PTPRM: variants seen among roughly 807,000 people sequenced by gnomAD.
PTPRM encodes the protein receptor-type tyrosine-protein phosphatase mu.
Under a neutral mutation model 186.7 loss-of-function variants are expected in PTPRM, and 47 were observed. The observed-to-expected ratio is 0.25, with a 90% CI of 0.20 to 0.32. The LOEUF (loss-of-function observed/expected upper bound fraction) is 0.32, where lower values mean the gene tolerates loss of function less well. Ranked by LOEUF, PTPRM falls within the 10% of genes least tolerant of loss-of-function variation. PTPRM has a pLI of 1.00. For synonymous variants in PTPRM, 668 were observed against 674.9 expected, an observed-to-expected ratio of 0.99 and a Z score of 0.16; for missense variants, 1,494 against 1,865.0, an observed-to-expected ratio of 0.80 and a Z score of 3.66.
chr18:7,873,018 C>T (rs2048055235), intron 2 of PTPRM, among the ~76,000 whole-genome samples: 1 of 152,140 alleles, frequency 6.6e-6, no homozygotes. Context: ...ACTTAAAATT[C>T]ATGTTTTTCA....
intron 1 of PTPRM, among the ~76,000 whole-genome samples, chr18:7,683,163 ATTT>A (rs761087539): frequency 4.1e-5 from 5 of 123,338 alleles, no homozygotes; most frequent in Admixed American, 1.7e-4. Flanking sequence ...TTGGCTTGCC[ATTT>A]TTTTTTTTTT....
intron 7 of PTPRM, among the ~76,000 whole-genome samples, chr18:8,061,215 CTTCT>C (rs2088471210): frequency 2.5e-5 from 1 of 39,582 alleles, no homozygotes; most frequent in Admixed American, 2.6e-4. Context: ...ATGTAATGGC[CTTCT>C]TTGTCTCTTT....
chr18:8,323,532 G>A (rs1478858273), intron 22 of PTPRM, among the ~76,000 whole-genome samples: 3 of 152,166 alleles, frequency 2.0e-5, no homozygotes, highest in South Asian at 2.1e-4. Flanking sequence ...TGAGATGCAC[G>A]CGTTACTTTT....
At chr18:7,738,487 G>A (rs374504706) in intron 1 of PTPRM, among the ~76,000 whole-genome samples, 5 of 152,132 alleles carry the variant, frequency 3.3e-5, no homozygotes, top group South Asian at 4.1e-4. Flanking sequence ...CCAGGCTGGA[G>A]TGCAGTGGCA....
At chr18:8,362,493 A>G (rs1236768231) in intron 23 of PTPRM, among the ~76,000 whole-genome samples, 1 of 152,180 alleles carries the variant, frequency 6.6e-6, no homozygotes, top group East Asian at 1.9e-4. Flanking sequence ...GCTGACGGTC[A>G]CAAAATAGTG....
In PTPRM at chr18:7,626,120, A is replaced by G. The variant is rs533843324; in HGVS notation, c.73+58229A>G. On this transcript the variant is annotated intron_variant, in intron 1 of 32. Coordinates refer to ENST00000580170, the MANE Select transcript of PTPRM (RefSeq NM_001105244.2). ...TTTTAGCACCTTTTCCTCTGATGACATTCACTGGGAAAAGGAAAGGCTCTG... is the reference window on the plus strand; with the variant it reads ...TTTTAGCACCTTTTCCTCTGATGACGTTCACTGGGAAAAGGAAAGGCTCTG... Among the ~76,000 whole-genome samples, 11 of 152,344 alleles carry G rather than the reference A, an allele frequency of 7.2e-5. No homozygotes were observed. The South Asian group carries it at 2.3e-3, about 32-fold the overall frequency.
At position 8,353,971 on chromosome 18, in the gene PTPRM, G is replaced by A. The variant is rs921458812; in HGVS notation, c.3054+10451G>A. On this transcript the variant is annotated intron_variant, in intron 23 of 32. Coordinates refer to ENST00000580170, the MANE Select transcript of PTPRM (RefSeq NM_001105244.2). ...TCACACCTGTAATCCCAGCACTTTG[G>A]GAGGCCGAGGCAGGTGGACTGCCTG... Among the ~76,000 whole-genome samples the A allele has an allele frequency of 5.3e-5, 8 of 152,174 alleles. No homozygotes were observed. In the East Asian group the frequency reaches 1.5e-3, roughly 29 times the overall value.
chr18:8,147,184 G>C (rs558272840), intron 14 of PTPRM, among the ~76,000 whole-genome samples: 144 of 152,162 alleles, frequency 9.5e-4, no homozygotes, highest in Non-Finnish European at 1.6e-3. Flanking sequence ...ATTCTATGAA[G>C]AACGTCAATG....
chr18:8,179,477 CTT>C (rs1172800628), intron 14 of PTPRM, among the ~76,000 whole-genome samples: 5 of 123,856 alleles, frequency 4.0e-5, no homozygotes, highest in Non-Finnish European at 7.0e-5. Context: ...TTTTTCTTTT[CTT>C]TTTTTTTTTT....
intron 1 of PTPRM, among the ~76,000 whole-genome samples, chr18:7,611,823 C>T (rs1464803146): frequency 6.6e-6 from 1 of 152,202 alleles, no homozygotes; most frequent in Non-Finnish European, 1.5e-5. Context: ...TTGCCTTCTG[C>T]CATGATTGTG....
chr18:8,198,397 C>T (rs2093808676), intron 14 of PTPRM, among the ~76,000 whole-genome samples: 1 of 152,180 alleles, frequency 6.6e-6, no homozygotes, highest in Non-Finnish European at 1.5e-5. Flanking sequence ...GATCTGCCTA[C>T]CTTGGCCTGC....
chr18:7,621,081 G>A lies in PTPRM; in HGVS notation c.73+53190G>A, dbSNP rs562155782. On this transcript the variant is annotated intron_variant, in intron 1 of 32. Transcript: ENST00000580170. The stretch of plus-strand genomic sequence containing the variant: ...AATAATAGCAGCTAAAACTTACGCA[G>A]TGCTTATTGTATGCTGCAATATTCT... Among the ~76,000 whole-genome samples the A allele has an allele frequency of 9.9e-5, 15 of 152,250 alleles. No homozygotes were observed. In the South Asian group the frequency reaches 2.9e-3, roughly 30 times the overall value.
chr18:8,348,185 A>G (rs1477589880), intron 23 of PTPRM, among the ~76,000 whole-genome samples: 1 of 152,270 alleles, frequency 6.6e-6, no homozygotes, highest in African/African-American at 2.4e-5. Context: ...TGCATTAAGC[A>G]TGAGCTAGGC....
intron 7 of PTPRM, among the ~76,000 whole-genome samples, chr18:8,010,288 C>T (rs10853358): frequency 0.64 from 96,945 of 152,036 alleles, 31,198 homozygotes; most frequent in African/African-American, 0.72. Context: ...AGGCATTTCC[C>T]TTTTCAAAAG....
chr18:7,711,881 G>A (rs1465554533), intron 1 of PTPRM, among the ~76,000 whole-genome samples: 1 of 152,176 alleles, frequency 6.6e-6, no homozygotes, highest in Non-Finnish European at 1.5e-5. Flanking sequence ...TCAGCACCAG[G>A]GGGAAGGGGT....
At chr18:7,883,302 C>T (rs1049553143) in intron 2 of PTPRM, among the ~76,000 whole-genome samples, 12 of 152,052 alleles carry the variant, frequency 7.9e-5, no homozygotes, top group African/African-American at 2.9e-4. Context: ...TGCATTACCT[C>T]GCAGTCAAAA....
chr18:8,370,991 A>G lies in PTPRM; in HGVS notation c.3156A>G (p.Thr1052=), dbSNP rs957726582. The part of the protein sequence containing the change: ...TELLAEYVIR[T]FAVEKRGVHE... ...TACTGGCAGAATATGTGATAAGAAC[A>G]TTTGCTGTTGAAAAGGTAAGTTTTC... Residue 1052 remains threonine, a synonymous_variant, in exon 24 of 33, where the codon ACA becomes ACG. Coordinates refer to ENST00000580170, the MANE Select transcript of PTPRM (RefSeq NM_001105244.2). 2 of 1,591,522 alleles carry G rather than the reference A, an allele frequency of 1.3e-6. No individual in the cohort carries two copies. Among genetic ancestry groups the G allele is most frequent in the Non-Finnish European group, 8.6e-7 (1 of 1,161,406 alleles).
chr18:7,651,244 GA>G (rs1334614217), intron 1 of PTPRM, among the ~76,000 whole-genome samples: 1 of 152,042 alleles, frequency 6.6e-6, no homozygotes, highest in African/African-American at 2.4e-5. Flanking sequence ...AAGCCCATGT[GA>G]CCAGGCTTCA....
At chr18:7,773,349 A>G (rs1213348738) in intron 1 of PTPRM, among the ~76,000 whole-genome samples, 1 of 152,094 alleles carries the variant, frequency 6.6e-6, no homozygotes, top group East Asian at 1.9e-4. Flanking sequence ...TTTGTACTGC[A>G]TTTTGTCCTC....
Sources: allele counts gnomAD v4.1 joint callset (sites outside exome capture counted in the v4.1 genomes callset), GRCh38; gene constraint gnomAD v4.1.1; transcripts MANE v1.5; gene names NCBI Gene and HGNC (gene_info 2026-07-23, HGNC 2026-07-21).